FTSJ1: variants seen among roughly 807,000 people sequenced by gnomAD.
FTSJ1 encodes FtsJ RNA 2'-O-methyltransferase 1, also known as tRNA (cytidine(32)/guanosine(34)-2'-O)-methyltransferase.
FTSJ1 carries 3 observed loss-of-function variants against 28.5 expected under a neutral mutation model. The ratio of observed to expected loss-of-function variants is 0.11; its 90% confidence interval spans 0.05 to 0.27. The LOEUF is 0.27. FTSJ1 is among the 10% of genes least tolerant of loss of function. FTSJ1 has a pLI of 1.00. For missense variants in FTSJ1, 162 were observed against 279.0 expected (o/e 0.58, Z 2.99); for synonymous variants, 104 against 113.9 (o/e 0.91, Z 0.55).
At chrX:48,482,878 A>G (rs976576054) in intron 11 of FTSJ1, 84 bp downstream of exon 11, 2 of 1,209,456 alleles carry the variant, frequency 1.7e-6, no homozygotes, top group South Asian at 1.8e-5. Flanking sequence ...TCTGGGGCCA[A>G]AATTCCCTTT....
At chrX:48,483,340 CTG>C (rs2061581477) in intron 12 of FTSJ1, 1 of 322,178 alleles carries the variant, frequency 3.1e-6, no homozygotes, top group South Asian at 4.3e-5. Flanking sequence ...TCAAAACAGT[CTG>C]TAAGTGCAAG....
chrX:48,480,886 G>T lies in FTSJ1; in HGVS notation c.362-265G>T, dbSNP rs184646106. ...TGGATGTATTGGAGATGTAGAATCT[G>T]ATTTGTGAATCTGGAGTTCAGAGGA... On this transcript the variant is annotated intron_variant, in intron 5 of 12. Transcript: ENST00000348411. 1.4e-4 allele frequency among the ~76,000 whole-genome samples: 16 copies of T among 110,968 alleles called. No homozygotes were observed. The East Asian group carries it at 4.5e-3, about 31-fold the overall frequency.
chrX:48,476,396 G>C lies in FTSJ1; in HGVS notation c.-88G>C. The C allele has an allele frequency of 3.4e-6, 1 of 296,021 alleles. No individual in the cohort carries two copies. Among genetic ancestry groups the C allele is most frequent in the Non-Finnish European group, 5.9e-6 (1 of 168,964 alleles). 24.4% of individuals were successfully genotyped at this position (296,021 alleles called of 1,213,427 possible). On this transcript the variant is annotated splice_region_variant and 5_prime_UTR_variant, in exon 1 of 13. Transcript: ENST00000348411. ...CGGACCACCCTGCTCCGAAAACTAA[G>C]GTGGGCCCTGGGGCGCGGAGGACAG...
Position 48,482,284 on chromosome X carries a change from G to C in FTSJ1, c.656-119G>C, listed in dbSNP as rs1331423565. The C allele has an allele frequency of 2.3e-5, 12 of 523,817 alleles. No individual in the cohort carries two copies. In the Admixed American group the frequency reaches 2.7e-4, roughly 12 times the overall value. 43.2% of individuals were successfully genotyped at this position (523,817 alleles called of 1,213,427 possible). The stretch of plus-strand genomic sequence containing the variant: ...AACCAAATGAAGGATTTCTGGTGGG[G>C]TGGGAAGAGAGTAGCTGGTGGATAT... On this transcript the variant is annotated intron_variant, in intron 9 of 12. Coordinates refer to ENST00000348411, the MANE Select transcript of FTSJ1 (RefSeq NM_012280.4).
Position 48,478,531 on chromosome X carries a change from G to C in FTSJ1, c.191+13G>C. 1 of 1,204,063 alleles carries C rather than the reference G, an allele frequency of 8.3e-7. No homozygotes were observed. On this transcript the variant is annotated intron_variant, in intron 3 of 12. Coordinates refer to ENST00000348411, the MANE Select transcript of FTSJ1 (RefSeq NM_012280.4). ...GCCAGAAGATCGGGTAAGTGTGGGG[G>C]TCCCAGATGGGAGACCCAGGAGGGC...
intron 1 of FTSJ1, 101 bp from the exon 2 acceptor site, chrX:48,477,860 T>C (rs2061542897): frequency 3.5e-6 from 2 of 568,218 alleles, no homozygotes; most frequent in Non-Finnish European, 5.7e-6. Flanking sequence ...ATAAGGTCAG[T>C]GGGGTCAGTG....
intron 5 of FTSJ1, among the ~76,000 whole-genome samples, chrX:48,479,419 A>T (rs1384412728): frequency 8.9e-6 from 1 of 112,845 alleles, no homozygotes; most frequent in Non-Finnish European, 1.9e-5. Flanking sequence ...TCAGCCAGCC[A>T]GCCATTCAAC....
intron 1 of FTSJ1, among the ~76,000 whole-genome samples, chrX:48,477,314 G>A (rs1556966631): frequency 9.0e-6 from 1 of 110,798 alleles, no homozygotes; most frequent in African/African-American, 3.3e-5. Context: ...TCTATGAAGG[G>A]TCTATTGGAG....
chrX:48,479,720 A>G (rs912835010), intron 5 of FTSJ1, among the ~76,000 whole-genome samples: 1 of 112,043 alleles, frequency 8.9e-6, no homozygotes, highest in Non-Finnish European at 1.9e-5. Context: ...ATGCATGCCC[A>G]TAGTCCCAGT....
intron 7 of FTSJ1, 32 bp downstream of exon 7, chrX:48,481,374 G>C: frequency 8.4e-7 from 1 of 1,195,702 alleles, no homozygotes; most frequent in Non-Finnish European, 1.1e-6. Flanking sequence ...GGAGTAGAGG[G>C]AGGTCGCTGA....
intron 1 of FTSJ1, chrX:48,476,613 G>C (rs1188527058): frequency 2.2e-5 from 4 of 185,255 alleles, no homozygotes; most frequent in African/African-American, 8.9e-5. Flanking sequence ...GGGACGCAGC[G>C]GTCGGAGCCG....
intron 9 of FTSJ1, among the ~76,000 whole-genome samples, chrX:48,482,154 A>G (rs2061573729): frequency 2.7e-5 from 3 of 112,399 alleles, no homozygotes; most frequent in African/African-American, 9.7e-5. Flanking sequence ...TCATCCAGGC[A>G]GCATATAATC....
At chrX:48,478,541 G>A in intron 3 of FTSJ1, 23 bp downstream of exon 3, 2 of 1,197,807 alleles carry the variant, frequency 1.7e-6, no homozygotes, top group Non-Finnish European at 2.3e-6. Context: ...GTCCCAGATG[G>A]GAGACCCAGG....
At chrX:48,479,388 C>T (rs1308121946) in intron 5 of FTSJ1, among the ~76,000 whole-genome samples, 4 of 112,558 alleles carry the variant, frequency 3.6e-5, no homozygotes, top group Admixed American at 9.4e-5. Flanking sequence ...TGTCCAATTC[C>T]GTTGCACTGT....
At chrX:48,483,855 G>T (rs1046347378) in intron 12 of FTSJ1, among the ~76,000 whole-genome samples, 1 of 110,504 alleles carries the variant, frequency 9.0e-6, no homozygotes, top group African/African-American at 3.3e-5. Context: ...TTTGAGCAAA[G>T]ACCTGAAGGC....
chrX:48,485,058 C>G (rs2061593537), intron 12 of FTSJ1, among the ~76,000 whole-genome samples: 1 of 111,500 alleles, frequency 9.0e-6, no homozygotes. Flanking sequence ...CTTTGGGAGG[C>G]CGAGGTGGGT....
chrX:48,482,142 C>T (rs782157787), intron 9 of FTSJ1, among the ~76,000 whole-genome samples: 3 of 112,115 alleles, frequency 2.7e-5, no homozygotes, highest in Non-Finnish European at 5.6e-5. Flanking sequence ...GTGAGGGAGA[C>T]GTCATCCAGG....
intron 5 of FTSJ1, among the ~76,000 whole-genome samples, chrX:48,480,761 G>A (rs1341686087): frequency 9.0e-6 from 1 of 111,130 alleles, no homozygotes; most frequent in African/African-American, 3.3e-5. Flanking sequence ...GAGCATCAGA[G>A]GTGACTAAGG....
chrX:48,477,155 G>A (rs1185803799), intron 1 of FTSJ1, among the ~76,000 whole-genome samples: 1 of 111,213 alleles, frequency 9.0e-6, no homozygotes, highest in Non-Finnish European at 1.9e-5. Flanking sequence ...ATACATAGTA[G>A]GTGAATAGTA....
Sources: allele counts gnomAD v4.1 joint callset (sites outside exome capture counted in the v4.1 genomes callset), GRCh38; gene constraint gnomAD v4.1.1; transcripts MANE v1.5; gene names NCBI Gene and HGNC (gene_info 2026-07-23, HGNC 2026-07-21).